The following JAZF1 variants were observed in gnomAD, a reference collection of about 807,000 sequenced individuals.
JAZF1 encodes the protein JAZF zinc finger 1.
A neutral mutation model predicts 26.4 loss-of-function variants in JAZF1; 8 were observed. The ratio of observed to expected loss-of-function variants is 0.30; its 90% CI spans 0.18 to 0.55. The LOEUF (loss-of-function observed/expected upper bound fraction) is 0.55. Ranked by LOEUF, JAZF1 falls within the 20% of genes least tolerant of loss-of-function variation. The pLI, the probability that JAZF1 is intolerant of heterozygous loss-of-function variation, is 0.94. For synonymous variants in JAZF1, 126 were observed against 122.3 expected, an observed-to-expected ratio of 1.03 and a Z score of -0.20; for missense variants, 199 against 322.0, an observed-to-expected ratio of 0.62 and a Z score of 2.92.
chr7:27,945,935 T>G (rs1376423883), intron 2 of JAZF1, among the ~76,000 whole-genome samples: 1 of 152,246 alleles, frequency 6.6e-6, no homozygotes, highest in Non-Finnish European at 1.5e-5. Context: ...GGCGCAAAAG[T>G]AATACACATT....
chr7:28,160,633 A>T lies in JAZF1; in HGVS notation c.115+19830T>A, dbSNP rs1182626141. Among the ~76,000 whole-genome samples the T allele has an allele frequency of 1.6e-3, 251 of 152,258 alleles. 1 individual carries two copies. The highest frequency in any genetic ancestry group is 5.7e-3 in the African/African-American group (235 of 41,524). On this transcript the variant is annotated intron_variant, in intron 1 of 4. Transcript: ENST00000283928. ...CATCCCAGGAGGCCATTCCTTGCAT[A>T]CCAAAACCATCTCATCAGAAGGTGG...
intron 1 of JAZF1, among the ~76,000 whole-genome samples, chr7:28,049,197 C>G (rs1439920725): frequency 1.3e-5 from 2 of 151,576 alleles, no homozygotes; most frequent in African/African-American, 4.9e-5. Context: ...ATTCTCCTGC[C>G]TCAGTCTCCA....
chr7:27,999,663 C>G (rs1299315418), intron 1 of JAZF1, among the ~76,000 whole-genome samples: 1 of 152,144 alleles, frequency 6.6e-6, no homozygotes, highest in Non-Finnish European at 1.5e-5. Context: ...ATGGAAGCTC[C>G]TTAAGGAACC....
intron 1 of JAZF1, among the ~76,000 whole-genome samples, chr7:28,076,009 G>T (rs546426533): frequency 6.6e-6 from 1 of 152,310 alleles, no homozygotes; most frequent in African/African-American, 2.4e-5. Flanking sequence ...CCCATTCTCA[G>T]TGCAGAGACA....
At chr7:28,080,941 CA>C (rs369075162) in intron 1 of JAZF1, among the ~76,000 whole-genome samples, 2,059 of 139,472 alleles carry the variant, frequency 0.015, 48 homozygotes, top group African/African-American at 0.049. Context: ...TAAAAAAAAA[CA>C]AAAAAAAAAA....
intron 2 of JAZF1, among the ~76,000 whole-genome samples, chr7:27,950,750 C>T (rs1386497419): frequency 6.6e-6 from 1 of 152,148 alleles, no homozygotes; most frequent in East Asian, 1.9e-4. Context: ...TAGCCAAGTA[C>T]ATTGCCTGCA....
In JAZF1 at chr7:28,111,634, C is replaced by T. The variant is rs892210965; in HGVS notation, c.115+68829G>A. Among the ~76,000 whole-genome samples the T allele has an allele frequency of 3.9e-5, 6 of 152,208 alleles. No individual in the cohort carries two copies. The South Asian group carries it at 1.0e-3, about 26-fold the overall frequency. On this transcript the variant is annotated intron_variant, in intron 1 of 4. Coordinates refer to ENST00000283928, the MANE Select transcript of JAZF1 (RefSeq NM_175061.4). ...CATCTTAAAGTGGTTTTCTGAAGGC[C>T]AAATCAAATGATGAATCAAAAAGTG... is the stretch of plus-strand genomic sequence containing the variant.
chr7:28,005,485 T>A (rs1450633876), intron 1 of JAZF1, among the ~76,000 whole-genome samples: 1 of 151,428 alleles, frequency 6.6e-6, no homozygotes, highest in African/African-American at 2.4e-5. Flanking sequence ...TGGCCCTGCC[T>A]AAGAGTTATC....
At chr7:27,888,072 C>T (rs1783900351) in intron 3 of JAZF1, among the ~76,000 whole-genome samples, 1 of 152,122 alleles carries the variant, frequency 6.6e-6, no homozygotes, top group South Asian at 2.1e-4. Context: ...GAGAATATAG[C>T]AACATCTTCT....
At chr7:27,932,311 G>A (rs1784698764) in intron 2 of JAZF1, among the ~76,000 whole-genome samples, 1 of 152,182 alleles carries the variant, frequency 6.6e-6, no homozygotes, top group African/African-American at 2.4e-5. Context: ...TGTATAATGA[G>A]AATGCTGTTT....
At chr7:27,935,301 G>T (rs140923415) in intron 2 of JAZF1, among the ~76,000 whole-genome samples, 95 of 152,324 alleles carry the variant, frequency 6.2e-4, no homozygotes, top group Middle Eastern at 3.4e-3. Flanking sequence ...TCCTCAAAAT[G>T]CAACTGTACC....
chr7:28,049,030 CCCTCCCCT>C (rs1783545407), intron 1 of JAZF1, among the ~76,000 whole-genome samples: 2 of 121,714 alleles, frequency 1.6e-5, no homozygotes, highest in Non-Finnish European at 3.5e-5. Context: ...CCTTCCCTTC[CCCTCCCCT>C]TCCCTCCCTC....
intron 1 of JAZF1, among the ~76,000 whole-genome samples, chr7:28,146,778 T>G (rs1783034624): frequency 2.6e-5 from 4 of 152,168 alleles, no homozygotes; most frequent in Admixed American, 2.6e-4. Flanking sequence ...ATAGGTTGAG[T>G]TTCCTTTGTC....
intron 2 of JAZF1, among the ~76,000 whole-genome samples, chr7:27,926,817 T>C (rs992838981): frequency 6.6e-6 from 1 of 152,144 alleles, no homozygotes; most frequent in African/African-American, 2.4e-5. Context: ...ATGTTGGGGA[T>C]TGGAGGTATG....
chr7:28,110,034 A>G (rs961121430), intron 1 of JAZF1, among the ~76,000 whole-genome samples: 3 of 152,216 alleles, frequency 2.0e-5, no homozygotes, highest in Admixed American at 6.5e-5. Context: ...CGTCACACAC[A>G]TTTATCAATA....
chr7:27,831,360 T>A lies in JAZF1; in HGVS notation c.*1440A>T, dbSNP rs1782690545. The A allele has an allele frequency of 4.4e-6, 1 of 227,200 alleles. No homozygotes were observed. The highest frequency in any genetic ancestry group is 8.8e-6 in the Non-Finnish European group (1 of 114,082). The allele number at this position is 227,200 out of a possible 1,614,324, so 14.1% of individuals were successfully genotyped here. ...ACATGGGAAGAAACTTTATAAGCAA[T>A]TTGAGTTTGTTTTATGGGCAGTTAG... On this transcript the variant is annotated 3_prime_UTR_variant, in exon 5 of 5. Coordinates refer to ENST00000283928, the MANE Select transcript of JAZF1 (RefSeq NM_175061.4).
intron 2 of JAZF1, among the ~76,000 whole-genome samples, chr7:27,939,970 G>A (rs969864255): frequency 6.6e-6 from 1 of 152,142 alleles, no homozygotes; most frequent in African/African-American, 2.4e-5. Flanking sequence ...CACGGCTGCC[G>A]TGGCCAGTGA....
chr7:27,924,993 G>A (rs890671236), intron 2 of JAZF1, among the ~76,000 whole-genome samples: 2 of 152,082 alleles, frequency 1.3e-5, no homozygotes, highest in African/African-American at 4.8e-5. Flanking sequence ...TTAAAAATAG[G>A]GTTATTCCCT....
chr7:28,152,661 C>A (rs849133), intron 1 of JAZF1, among the ~76,000 whole-genome samples: 1 of 151,934 alleles, frequency 6.6e-6, no homozygotes, highest in East Asian at 1.9e-4. Context: ...ATTAAAAATT[C>A]GACTCAGGAA....
Sources: gnomAD v4.1 joint callset for allele counts (sites outside exome capture counted in the v4.1 genomes callset) on GRCh38, gnomAD v4.1.1 for gene constraint, MANE v1.5 for transcripts, NCBI Gene and HGNC (gene_info 2026-07-23, HGNC 2026-07-21) for gene names.